Variants in PPP6R2 observed in about 807,000 individuals in gnomAD.
The protein encoded by PPP6R2 is serine/threonine-protein phosphatase 6 regulatory subunit 2.
Under a neutral mutation model 100.2 loss-of-function variants are expected in PPP6R2, and 62 were observed. The observed-to-expected ratio is 0.62, with a 90% confidence interval of 0.50 to 0.76. The LOEUF (loss-of-function observed/expected upper bound fraction) is 0.76, where lower values mean the gene tolerates loss of function less well. Ranked by LOEUF, PPP6R2 falls within the 30% of genes least tolerant of loss-of-function variation. PPP6R2 has a pLI of 0.00. For missense variants in PPP6R2, 1,142 were observed against 1,276.3 expected (o/e 0.89, Z 1.60); for synonymous variants, 525 against 514.7 (o/e 1.02, Z -0.27).
intron 2 of PPP6R2, among the ~76,000 whole-genome samples, chr22:50,380,208 A>G (rs2052550600): frequency 6.6e-6 from 1 of 151,980 alleles, no homozygotes; most frequent in African/African-American, 2.4e-5. Context: ...GAAGAGAGAG[A>G]AAGAGAAGGT....
At chr22:50,407,021 T>A in intron 4 of PPP6R2, 146 bp downstream of exon 4, 1 of 880,174 alleles carries the variant, frequency 1.1e-6, no homozygotes, top group Non-Finnish European at 1.8e-6. Flanking sequence ...GAGCAGTGTG[T>A]GGGTTTTGCC....
chr22:50,355,964 C>T (rs1442911031), intron 1 of PPP6R2, among the ~76,000 whole-genome samples: 1 of 144,972 alleles, frequency 6.9e-6, no homozygotes, highest in Non-Finnish European at 1.5e-5. Context: ...AGTGTATTTC[C>T]CTCTTTTTTT....
At chr22:50,359,412 G>A (rs1189267594) in intron 1 of PPP6R2, among the ~76,000 whole-genome samples, 1 of 151,952 alleles carries the variant, frequency 6.6e-6, no homozygotes, top group Non-Finnish European at 1.5e-5. Flanking sequence ...TAGAGATGGG[G>A]TTTGCCGTGT....
At chr22:50,385,181 C>T (rs1184509782) in intron 2 of PPP6R2, among the ~76,000 whole-genome samples, 1 of 152,066 alleles carries the variant, frequency 6.6e-6, no homozygotes, top group Non-Finnish European at 1.5e-5. Flanking sequence ...AATACTGCCA[C>T]ACTGGGATTA....
Position 50,438,852 on chromosome 22 carries a change from C to T in PPP6R2, c.2128+90C>T, listed in dbSNP as rs112060043. 3.5e-5 allele frequency: 47 copies of T among 1,337,216 alleles called. No homozygotes were observed. In the African/African-American group the frequency reaches 4.6e-4, roughly 13 times the overall value. The allele number at this position is 1,337,216 out of a possible 1,614,324, so 82.8% of individuals were successfully genotyped here. ...GGTGTTGTGGAGGCTTCATTTGGAG[C>T]TGAGGCATTTGGGGCTCACTGTGGC... On this transcript the variant is annotated intron_variant, in intron 19 of 23. Transcript: ENST00000612753.
At chr22:50,352,728 C>T (rs992717425) in intron 1 of PPP6R2, among the ~76,000 whole-genome samples, 5 of 113,798 alleles carry the variant, frequency 4.4e-5, no homozygotes, top group African/African-American at 1.8e-4. Flanking sequence ...TGTCTCAAAA[C>T]AAAAACAAAA....
intron 21 of PPP6R2, among the ~76,000 whole-genome samples, chr22:50,440,379 T>C (rs905741179): frequency 3.3e-5 from 5 of 152,214 alleles, no homozygotes; most frequent in Admixed American, 2.6e-4. Context: ...GGCAGGAAGC[T>C]GTTCTGTGGC....
intron 3 of PPP6R2, among the ~76,000 whole-genome samples, chr22:50,396,629 G>C (rs2056956608): frequency 6.6e-6 from 1 of 152,204 alleles, no homozygotes; most frequent in Admixed American, 6.6e-5. Flanking sequence ...GCGTTGAGCA[G>C]CTCCAGCAGG....
At chr22:50,352,574 A>C (rs2045541820) in intron 1 of PPP6R2, among the ~76,000 whole-genome samples, 1 of 151,710 alleles carries the variant, frequency 6.6e-6, no homozygotes, top group Non-Finnish European at 1.5e-5. Flanking sequence ...AAAATACAAA[A>C]ATTTGCTGGG....
chr22:50,336,440 G>C, the PPP6R2 span, among the ~76,000 whole-genome samples: 3 of 151,942 alleles, frequency 2.0e-5, no homozygotes, highest in African/African-American at 7.3e-5. Flanking sequence ...GCGAAGGCGC[G>C]ATCTCAGCTC....
intron 1 of PPP6R2, among the ~76,000 whole-genome samples, chr22:50,367,226 G>A (rs1457213218): frequency 6.6e-6 from 1 of 152,110 alleles, no homozygotes; most frequent in Non-Finnish European, 1.5e-5. Context: ...TAGGAGGGCA[G>A]AGGTGGCTTT....
intron 2 of PPP6R2, among the ~76,000 whole-genome samples, chr22:50,379,618 T>C (rs1241539524): frequency 6.6e-6 from 1 of 151,872 alleles, no homozygotes; most frequent in East Asian, 1.9e-4. Flanking sequence ...ATTGGAGGGG[T>C]GCAGTGGCTC....
At chr22:50,437,144 C>G in intron 15 of PPP6R2, 76 bp downstream of exon 15, 1 of 1,365,254 alleles carries the variant, frequency 7.3e-7, no homozygotes, top group Non-Finnish European at 1.0e-6. Flanking sequence ...GTCCTCCAGA[C>G]GAGTCTGATG....
chr22:50,438,768 G>A lies in PPP6R2; in HGVS notation c.2128+6G>A, dbSNP rs1432743057. The A allele has an allele frequency of 1.3e-6, 2 of 1,587,922 alleles. No individual in the cohort carries two copies. The highest frequency in any genetic ancestry group is 1.3e-5 in the African/African-American group (1 of 74,498). ...TGTGGAGGGTGACTCAGAAGGTGGT[G>A]CTGGGCGCCAGGGGCTGGGAGTGTG... On this transcript the variant is annotated splice_donor_region_variant and intron_variant, in intron 19 of 23. Transcript: ENST00000612753.
chr22:50,390,239 G>T (rs574354195), intron 2 of PPP6R2, among the ~76,000 whole-genome samples: 3 of 152,056 alleles, frequency 2.0e-5, no homozygotes, highest in South Asian at 4.2e-4. Context: ...TGATCCACCC[G>T]CTTCATCCTC....
chr22:50,409,530 C>T (rs1036602722), intron 4 of PPP6R2, among the ~76,000 whole-genome samples: 1 of 152,074 alleles, frequency 6.6e-6, no homozygotes, highest in Non-Finnish European at 1.5e-5. Flanking sequence ...CGGGTTCCAG[C>T]GATTCTTCTG....
intron 1 of PPP6R2, among the ~76,000 whole-genome samples, chr22:50,360,056 CT>C (rs112866506): frequency 0.24 from 33,017 of 137,746 alleles, 5,413 homozygotes; most frequent in African/African-American, 0.5. Context: ...CCTTTCAGCA[CT>C]TTTTTTTTTT....
upstream of PPP6R2, among the ~76,000 whole-genome samples, chr22:50,342,265 A>AC (rs1394296781): frequency 6.6e-6 from 1 of 152,002 alleles, no homozygotes; most frequent in Non-Finnish European, 1.5e-5. Flanking sequence ...AGGCTTTTTC[A>AC]CCCCCACTTC....
intron 15 of PPP6R2, among the ~76,000 whole-genome samples, chr22:50,437,280 C>T (rs1390131007): frequency 1.9e-4 from 29 of 152,238 alleles, no homozygotes; most frequent in Admixed American, 1.8e-3. Context: ...CAGATGGACT[C>T]GAAAGTCAGA....
Sources: allele counts gnomAD v4.1 joint callset (sites outside exome capture counted in the v4.1 genomes callset), GRCh38; gene constraint gnomAD v4.1.1; transcripts MANE v1.5; gene names NCBI Gene and HGNC (gene_info 2026-07-23, HGNC 2026-07-21).